PLIN4: variants seen among roughly 807,000 people sequenced by gnomAD.
PLIN4 encodes the protein perilipin-4.
PLIN4 carries 57 observed loss-of-function variants against 52.4 expected under a neutral mutation model. The ratio of observed to expected loss-of-function variants is 1.09; its 90% CI spans 0.88 to 1.36. The LOEUF (loss-of-function observed/expected upper bound fraction) is 1.36, where lower values mean the gene tolerates loss of function less well. Among genes scored for constraint, PLIN4 ranks in the 40% most tolerant of loss-of-function variants. PLIN4 has a pLI of 0.00. For missense variants in PLIN4, 1,757 were observed against 1,770.3 expected (o/e 0.99, Z 0.13); for synonymous variants, 826 against 785.4 (o/e 1.05, Z -0.86).
In PLIN4 at chr19:4,503,572, T is replaced by C. The variant is rs1975993538; in HGVS notation, c.*887A>G. On this transcript the variant is annotated 3_prime_UTR_variant, in exon 8 of 8. Coordinates refer to ENST00000301286, the MANE Select transcript of PLIN4 (RefSeq NM_001367868.2). ...TGTGGCTGTTCCCAGCCCTGTCTGA[T>C]CCCTCCATAGGGCACAGTTCCCTGC... is the stretch of plus-strand genomic sequence containing the variant. 6.6e-6 allele frequency: 1 copy of C among 152,334 alleles called. No homozygotes were observed. The highest frequency in any genetic ancestry group is 6.5e-5 in the Admixed American group (1 of 15,288). 9.4% of individuals were successfully genotyped at this position (152,334 alleles called of 1,614,324 possible).
chr19:4,512,494 TCCAGGCCGCC>T lies in PLIN4; in HGVS notation c.1456_1465del (p.Gly486ThrfsTer7). 6.2e-7 allele frequency: 1 copy of T among 1,606,462 alleles called. No individual in the cohort carries two copies. The highest frequency in any genetic ancestry group is 1.1e-5 in the South Asian group (1 of 90,132). On this transcript the variant is annotated frameshift_variant, in exon 5 of 8. Coordinates refer to ENST00000301286, the MANE Select transcript of PLIN4 (RefSeq NM_001367868.2). LOFTEE classifies it high-confidence loss of function. ...GCCAGTCAGGACAGACTTTGTAGTG[TCCAGGCCGCC>T]CTGGACGGCCCCTTTGGCCACATTC...
chr19:4,516,825 G>T, intron 3 of PLIN4, 147 bp from the exon 4 acceptor site: 1 of 867,838 alleles, frequency 1.2e-6, no homozygotes, highest in Non-Finnish European at 1.7e-6. Flanking sequence ...TGACATCCAC[G>T]GCTACCAGCC....
chr19:4,508,621 G>T, intron 6 of PLIN4, 147 bp downstream of exon 6: 1 of 943,916 alleles, frequency 1.1e-6, no homozygotes, highest in Non-Finnish European at 1.5e-6. Context: ...CAGGAGGCAA[G>T]CCCCATGAGT....
In PLIN4 at chr19:4,513,411, G is replaced by A. The variant is rs775952789; in HGVS notation, c.549C>T (p.Ala183=). Reference sequence around the variant, plus strand: ...CCACACCGGCCTGTACGGTCCCTTTGGCCACATTCACTGCCCCCGTGAGCC... The same window carrying A: ...CCACACCGGCCTGTACGGTCCCTTTAGCCACATTCACTGCCCCCGTGAGCC... ...STGLTGAVNV[A]KGTVQAGVDT... is the part of the protein sequence containing the mutation. Residue 183 remains alanine (A), a synonymous_variant, in exon 5 of 8, where the codon GCC becomes GCT. Transcript: ENST00000301286. 1 of 1,613,620 alleles carries A rather than the reference G, an allele frequency of 6.2e-7. No individual in the cohort carries two copies. The highest frequency in any genetic ancestry group is 1.1e-5 in the South Asian group (1 of 91,078).
rs1568232810 is a variant in PLIN4 at position 4,512,038 on chromosome 19, GC to G, written c.1921del (p.Ala641ProfsTer2). 1 of 1,612,870 alleles carries G rather than the reference GC, an allele frequency of 6.2e-7. No homozygotes were observed. Among genetic ancestry groups the G allele is most frequent in the Non-Finnish European group, 8.5e-7 (1 of 1,179,784 alleles). On this transcript the variant is annotated frameshift_variant, in exon 5 of 8. Transcript: ENST00000301286. LOFTEE classifies it high-confidence loss of function. ...CACAGCCCCCTTGGCCACGTTCACGGCACTGGTGACCCCACTGTAGATGGTG... is the reference window on the plus strand; with the variant it reads ...CACAGCCCCCTTGGCCACGTTCACGGACTGGTGACCCCACTGTAGATGGTG... ...KDTIYSGVTS[A>X]VNVAKGAVQT... is the part of the protein sequence containing the mutation.
At chr19:4,515,600 T>G (rs975049779) in intron 4 of PLIN4, among the ~76,000 whole-genome samples, 19 of 152,106 alleles carry the variant, frequency 1.2e-4, no homozygotes, top group Admixed American at 1.2e-3. Context: ...AGTTTTCAAC[T>G]GGGTGATTCT....
rs1599730947 is a variant in PLIN4, at chr19:4,502,247, T to G, written c.*2212A>C. On this transcript the variant is annotated 3_prime_UTR_variant, in exon 8 of 8. Transcript: ENST00000301286. Reference sequence around the variant, plus strand: ...TGGCTTGGTTTTCTAGCATTGCTGGTGCAGTGGGGGCCTGAGCTGGGGCGC... The same window carrying G: ...TGGCTTGGTTTTCTAGCATTGCTGGGGCAGTGGGGGCCTGAGCTGGGGCGC... 3.3e-6 allele frequency: 2 copies of G among 606,292 alleles called. No individual in the cohort carries two copies. The highest frequency in any genetic ancestry group is 6.5e-5 in the East Asian group (2 of 30,678). The allele number at this position is 606,292 out of a possible 1,614,324, so 37.6% of individuals were successfully genotyped here. A position where few individuals can be genotyped will look rare whatever the true frequency, so the allele number is the denominator to read the frequency against.
At chr19:4,507,622 G>A (rs1976133716) in intron 6 of PLIN4, among the ~76,000 whole-genome samples, 1 of 152,138 alleles carries the variant, frequency 6.6e-6, no homozygotes. Flanking sequence ...CCAGTAGGTT[G>A]AAGCTGCAGT....
At chr19:4,517,896 G>A (rs1457697929) in intron 2 of PLIN4, among the ~76,000 whole-genome samples, 198 bp from the exon 3 acceptor site, 3 of 152,212 alleles carry the variant, frequency 2.0e-5, no homozygotes, top group Non-Finnish European at 2.9e-5. Context: ...ATGCACAGAG[G>A]AAAAGATCGT....
chr19:4,506,571 A>G (rs1396480758), intron 6 of PLIN4, among the ~76,000 whole-genome samples: 1 of 151,758 alleles, frequency 6.6e-6, no homozygotes, highest in Non-Finnish European at 1.5e-5. Flanking sequence ...GGTCTTCAGT[A>G]GCACTTAAAG....
chr19:4,518,034 G>T (rs560005786), intron 2 of PLIN4, among the ~76,000 whole-genome samples, 188 bp downstream of exon 2: 2 of 152,184 alleles, frequency 1.3e-5, no homozygotes, highest in African/African-American at 2.4e-5. Context: ...CGAGGTCTGC[G>T]TGGGTCCCCC....
rs1187559215 is a variant in PLIN4 at position 4,504,542 on chromosome 19, C to G, written c.4033G>C (p.Glu1345Gln). Residue 1345 changes from glutamate (E) to glutamine (Q), a missense_variant, in exon 8 of 8, where the codon GAG (glutamate) becomes CAG (glutamine). This residue lies in a region of PLIN4 where 712 missense variants were observed against 637.1 expected (regional missense o/e 1.12). Transcript: ENST00000301286. ...TGCTGTAGGCCCTCCAGCAGCTGCT[C>G]TAACCCCTGCCAAGCCTGGTGCACA... ...EGVHQAWQGL[E>Q]QLLEGLQHNP... 5 of 1,606,372 alleles carry G rather than the reference C, an allele frequency of 3.1e-6. No homozygotes were observed. Among genetic ancestry groups the G allele is most frequent in the African/African-American group, 1.3e-5 (1 of 74,806 alleles).
At position 4,502,666 on chromosome 19, in the gene PLIN4, C is replaced by T. The variant is rs146958799; in HGVS notation, c.*1793G>A. The T allele has an allele frequency of 1.7e-5, 3 of 176,394 alleles. No individual in the cohort carries two copies. The highest frequency in any genetic ancestry group is 3.5e-5 in the Non-Finnish European group (3 of 85,384). 10.9% of individuals were successfully genotyped at this position (176,394 alleles called of 1,614,324 possible). A position where few individuals can be genotyped will look rare whatever the true frequency, so the allele number is the denominator to read the frequency against. ...GAGCATGGGCCTCAGGGGCCAGCCT[C>T]GACTCACCCCAGCTGTGTCACCCAC... On this transcript the variant is annotated 3_prime_UTR_variant, in exon 8 of 8. Transcript: ENST00000301286.
Position 4,504,844 on chromosome 19 carries a change from CCCTGTGCCAGA to C in PLIN4, c.3789+6_3789+16del. 6.2e-7 allele frequency: 1 copy of C among 1,604,006 alleles called. No homozygotes were observed. Among genetic ancestry groups the C allele is most frequent in the Non-Finnish European group, 8.5e-7 (1 of 1,176,410 alleles). On this transcript the variant is annotated splice_donor_region_variant and intron_variant, in intron 7 of 7. Coordinates refer to ENST00000301286, the MANE Select transcript of PLIN4 (RefSeq NM_001367868.2). ...CATGGGCGGGGTGGGGGGACCCTAG[CCCTGTGCCAGA>C]CCCACCTCCTGGACAGCAGCGTCCT... is the stretch of plus-strand genomic sequence containing the variant.
rs1436854458 is a variant in PLIN4 at position 4,504,470 on chromosome 19, C to T, written c.4105G>A (p.Gly1369Ser). 4 of 1,577,968 alleles carry T rather than the reference C, an allele frequency of 2.5e-6. No individual in the cohort carries two copies. In the Admixed American group the frequency reaches 5.2e-5, roughly 20 times the overall value. ...GCAGGCTCCTACAGCTACTGCCCGC[C>T]AGCGGGCAAGGCGAAGGGCCCTACC... ...WLVGPFALPA[G>S]GQ Residue 1369 changes from glycine to serine, a missense_variant, in exon 8 of 8, where the codon GGC becomes AGC. Coordinates refer to ENST00000301286, the MANE Select transcript of PLIN4 (RefSeq NM_001367868.2).
In PLIN4 at chr19:4,512,060, T is replaced by C. The variant is rs73920828; in HGVS notation, c.1900A>G (p.Ile634Val). The C allele has an allele frequency of 5.5e-3, 8,829 of 1,592,362 alleles. 662 individuals carry two copies. The African/African-American group carries it at 0.11, about 20-fold the overall frequency. ...ACGGCACTGGTGACCCCACTGTAGA[T>C]GGTGTCCTTGGTACCGGTTAGGACA... ...KTVLTGTKDTIYSGVTSAVNV... is the reference protein window; with the variant it reads ...KTVLTGTKDTVYSGVTSAVNV... The change falls in exon 5 of 8, where the codon ATC (isoleucine) becomes GTC (valine). Residue 634 changes from isoleucine to valine, a missense_variant. Physicochemically the swap from Ile to Val is conservative, Grantham distance 29 (BLOSUM62 3). Transcript: ENST00000301286.
intron 1 of PLIN4, 21 bp downstream of exon 1, chr19:4,518,364 C>T: frequency 8.1e-7 from 1 of 1,231,848 alleles, no homozygotes; most frequent in Non-Finnish European, 1.0e-6. Flanking sequence ...CCACTGAAAG[C>T]CTGAGCAGCC....
chr19:4,517,875 G>A (rs928617858), intron 2 of PLIN4, among the ~76,000 whole-genome samples, 177 bp from the exon 3 acceptor site: 1 of 152,232 alleles, frequency 6.6e-6, no homozygotes, highest in African/African-American at 2.4e-5. Context: ...GGCAGACTCA[G>A]CCTGCCTCCC....
In PLIN4 at chr19:4,518,297, G is replaced by T. The variant is rs1451796922; in HGVS notation, c.-17-8C>A. The T allele has an allele frequency of 8.1e-7, 1 of 1,232,578 alleles. No homozygotes were observed. The highest frequency in any genetic ancestry group is 1.0e-6 in the Non-Finnish European group (1 of 988,380). 76.4% of individuals were successfully genotyped at this position (1,232,578 alleles called of 1,614,324 possible). On this transcript the variant is annotated splice_polypyrimidine_tract_variant and splice_region_variant and intron_variant, in intron 1 of 7. Transcript: ENST00000301286. ...TAGTGAGAACGTGAGAAGCTGGAAG[G>T]GGGCAGAGAAGGTGCGTGAATGGGG...
Sources: allele counts gnomAD v4.1 joint callset (sites outside exome capture counted in the v4.1 genomes callset), GRCh38; gene constraint gnomAD v4.1.1; regional missense constraint gnomAD v4.1.1; transcripts MANE v1.5; gene names NCBI Gene and HGNC (gene_info 2026-07-23, HGNC 2026-07-21).